The following FBXW10 variants were observed in gnomAD, a reference collection of about 807,000 sequenced individuals.
FBXW10 encodes F-box/WD repeat-containing protein 10.
FBXW10 carries 68 observed loss-of-function variants against 113.1 expected under a neutral mutation model. That is an observed-to-expected ratio of 0.60 (90% CI 0.49 to 0.74). The LOEUF (loss-of-function observed/expected upper bound fraction) is 0.74. Among genes scored for constraint, FBXW10 ranks in the 30% least tolerant of loss-of-function variants. The pLI is 0.00. For missense variants in FBXW10, 753 were observed against 1,284.5 expected, an observed-to-expected ratio of 0.59 and a Z score of 6.32; for synonymous variants, 289 against 481.6, an observed-to-expected ratio of 0.60 and a Z score of 5.24.
chr17:18,750,361 C>T (rs966132675), intron 4 of FBXW10, among the ~76,000 whole-genome samples: 9 of 152,082 alleles, frequency 5.9e-5, no homozygotes, highest in South Asian at 2.1e-4. Flanking sequence ...GGATAGAGAC[C>T]GCTCAGGAGC....
At chr17:18,756,309 C>A (rs1472656211) in intron 6 of FBXW10, among the ~76,000 whole-genome samples, 155 bp downstream of exon 6, 5 of 152,226 alleles carry the variant, frequency 3.3e-5, no homozygotes, top group African/African-American at 1.2e-4. Context: ...GTAGACAATA[C>A]CTGCTTCATT....
intron 2 of FBXW10, among the ~76,000 whole-genome samples, chr17:18,748,326 G>A (rs1238018259): frequency 2.2e-4 from 33 of 149,642 alleles, no homozygotes; most frequent in Non-Finnish European, 3.5e-4. Flanking sequence ...CAGCAGAAGG[G>A]CGTGAAGCCG....
At chr17:18,749,046 T>C (rs1597587758) in intron 2 of FBXW10, among the ~76,000 whole-genome samples, 1 of 152,218 alleles carries the variant, frequency 6.6e-6, no homozygotes, top group Admixed American at 6.5e-5. Flanking sequence ...ACCACCCACA[T>C]AGCACTGGCT....
chr17:18,755,214 G>A (rs2035235893), intron 5 of FBXW10, among the ~76,000 whole-genome samples: 1 of 151,576 alleles, frequency 6.6e-6, no homozygotes, highest in Admixed American at 6.6e-5. Flanking sequence ...AGTGAGCCAA[G>A]ATCATGACAT....
rs571273985 is a variant in FBXW10, at chr17:18,755,323, G to A, written c.1123-722G>A. 5.3e-5 allele frequency among the ~76,000 whole-genome samples: 8 copies of A among 152,204 alleles called. 1 individual carries two copies. Among genetic ancestry groups the A allele is most frequent in the Admixed American group, 3.3e-4 (5 of 15,280 alleles). ...TGTAATCCCAGCACTTTGGGAAGCCGAGGCAGGCAGATCACAAGGTCAAGA... is the reference window on the plus strand; with the variant it reads ...TGTAATCCCAGCACTTTGGGAAGCCAAGGCAGGCAGATCACAAGGTCAAGA... On this transcript the variant is annotated intron_variant, in intron 5 of 13. Coordinates refer to ENST00000395665, the MANE Select transcript of FBXW10 (RefSeq NM_001267585.2).
Position 18,778,688 on chromosome 17 carries a change from C to T in FBXW10, c.2549C>T (p.Ser850Leu), listed in dbSNP as rs779685590. The T allele has an allele frequency of 1.2e-6, 2 of 1,613,724 alleles. No individual in the cohort carries two copies. Among genetic ancestry groups the T allele is most frequent in the South Asian group, 2.2e-5 (2 of 91,068 alleles). ...ACTGATGTCTGGGGACCTTCAATTT[C>T]ATACCCAAGGAAGGTCTTGAATTTC... is the stretch of plus-strand genomic sequence containing the variant. The part of the protein sequence containing the change: ...EITDVWGPSI[S>L]YPRKVLNFKG... The change falls in exon 14 of 14, where the codon TCA becomes TTA. Residue 850 changes from serine (S) to leucine (L), a missense_variant. Coordinates refer to ENST00000395665, the MANE Select transcript of FBXW10 (RefSeq NM_001267585.2).
chr17:18,774,147 G>C (rs928072321), intron 12 of FBXW10, among the ~76,000 whole-genome samples: 1 of 150,760 alleles, frequency 6.6e-6, no homozygotes, highest in East Asian at 1.9e-4. Flanking sequence ...ACATTCTGCT[G>C]TAAAGAGGTG....
chr17:18,777,597 G>A (rs1235005033), intron 13 of FBXW10, among the ~76,000 whole-genome samples: 1 of 150,592 alleles, frequency 6.6e-6, no homozygotes, highest in Non-Finnish European at 1.5e-5. Flanking sequence ...AGGCTGGAGT[G>A]CAGTGGCGCG....
intron 13 of FBXW10, among the ~76,000 whole-genome samples, chr17:18,777,838 C>T (rs1217627820): frequency 1.3e-4 from 20 of 152,016 alleles, no homozygotes; most frequent in Non-Finnish European, 1.8e-4. Flanking sequence ...CCACCGCGCC[C>T]GGCCTCAACT....
chr17:18,761,065 G>C (rs11078420), intron 7 of FBXW10, among the ~76,000 whole-genome samples: 87,869 of 151,804 alleles, frequency 0.58, 26,247 homozygotes, highest in Non-Finnish European at 0.61. Context: ...GCCACTTCCT[G>C]CATTGATTTG....
intron 7 of FBXW10, among the ~76,000 whole-genome samples, chr17:18,759,289 GCTT>G (rs2151807246): frequency 6.6e-6 from 1 of 152,194 alleles, no homozygotes; most frequent in African/African-American, 2.4e-5. Flanking sequence ...TTCTCTTCTT[GCTT>G]CTTCCTGCCA....
chr17:18,763,096 A>T (rs565011836), intron 7 of FBXW10, among the ~76,000 whole-genome samples: 3,197 of 151,292 alleles, frequency 0.021, 133 homozygotes, highest in African/African-American at 0.074. Context: ...CCAAAAAACT[A>T]CAAAGACATA....
chr17:18,751,193 T>G lies in FBXW10; in HGVS notation c.1122+140T>G. 3.5e-6 allele frequency: 4 copies of G among 1,146,024 alleles called. No homozygotes were observed. In the South Asian group the frequency reaches 5.0e-5, roughly 14 times the overall value. 71.0% of individuals were successfully genotyped at this position (1,146,024 alleles called of 1,614,324 possible). On this transcript the variant is annotated intron_variant, in intron 5 of 13. Coordinates refer to ENST00000395665, the MANE Select transcript of FBXW10 (RefSeq NM_001267585.2). Reference sequence around the variant, plus strand: ...CACTCCTTAAGGAAGACGAGAGTTCTGTGTTGCTACTGACTTACAAGACAC... The same window carrying G: ...CACTCCTTAAGGAAGACGAGAGTTCGGTGTTGCTACTGACTTACAAGACAC...
At chr17:18,752,485 C>T (rs376028839) in intron 5 of FBXW10, among the ~76,000 whole-genome samples, 39 of 152,164 alleles carry the variant, frequency 2.6e-4, no homozygotes, top group African/African-American at 8.9e-4. Context: ...GAGGCCGAGG[C>T]GGGCGGATCA....
intron 7 of FBXW10, among the ~76,000 whole-genome samples, chr17:18,762,475 G>A (rs1243472669): frequency 6.6e-6 from 1 of 151,460 alleles, no homozygotes; most frequent in Non-Finnish European, 1.5e-5. Context: ...GTGCCACCAC[G>A]CCCGGCGGCT....
At chr17:18,768,826 G>C in intron 10 of FBXW10, 150 bp downstream of exon 10, 1 of 867,496 alleles carries the variant, frequency 1.2e-6, no homozygotes, top group Non-Finnish European at 1.8e-6. Context: ...CTTCCACCTG[G>C]GACCCATTTT....
At chr17:18,773,420 G>T (rs2035651722) in intron 12 of FBXW10, among the ~76,000 whole-genome samples, 1 of 152,172 alleles carries the variant, frequency 6.6e-6, no homozygotes. Context: ...GATCTGTGCA[G>T]AATGTATTGT....
chr17:18,762,704 C>A (rs1297556016), intron 7 of FBXW10, among the ~76,000 whole-genome samples: 1 of 152,202 alleles, frequency 6.6e-6, no homozygotes, highest in Non-Finnish European at 1.5e-5. Context: ...CTTCCAGTGC[C>A]ATGGCAGGCA....
intron 5 of FBXW10, among the ~76,000 whole-genome samples, chr17:18,751,644 A>C (rs2035173907): frequency 6.6e-6 from 1 of 152,102 alleles, no homozygotes; most frequent in Non-Finnish European, 1.5e-5. Context: ...TTTTGTGTCC[A>C]TGGCACCAGG....
Sources: allele counts gnomAD v4.1 joint callset (sites outside exome capture counted in the v4.1 genomes callset), GRCh38; gene constraint gnomAD v4.1.1; transcripts MANE v1.5; gene names NCBI Gene and HGNC (gene_info 2026-07-23, HGNC 2026-07-21).